Variants in C3orf33 observed in about 807,000 individuals in gnomAD.
C3orf33 encodes AP-1 activity suppressor.
Under a neutral mutation model 28.7 loss-of-function variants are expected in C3orf33, and 23 were observed. The ratio of observed to expected loss-of-function variants is 0.80; its 90% confidence interval spans 0.58 to 1.13. The LOEUF is 1.13. Ranked by LOEUF, C3orf33 falls within the 50% of genes most tolerant of loss-of-function variation. C3orf33 has a pLI of 0.00. For synonymous variants in C3orf33, 119 were observed against 120.5 expected (o/e 0.99, Z 0.08); for missense variants, 327 against 353.4 (o/e 0.93, Z 0.60).
intron 2 of C3orf33, among the ~76,000 whole-genome samples, chr3:155,784,637 G>A (rs1190988896): frequency 6.6e-6 from 1 of 151,992 alleles, no homozygotes; most frequent in African/African-American, 2.4e-5. Context: ...GTACTTCGGA[G>A]GCTGAGGCAG....
intron 2 of C3orf33, among the ~76,000 whole-genome samples, chr3:155,787,252 G>A (rs1304382020): frequency 2.6e-5 from 4 of 152,078 alleles, no homozygotes; most frequent in African/African-American, 9.7e-5. Flanking sequence ...AGACTGGAGT[G>A]CGGTGGCTTG....
In C3orf33 at chr3:155,806,037, C is replaced by G. The variant is rs1315903096; in HGVS notation, c.114+102G>C. ...ATTCCCCCGCAGTTTTCTGTCGCTC[C>G]CCGGCCCCGGCGGGATCCACGCCTG... On this transcript the variant is annotated intron_variant, in intron 1 of 4. Coordinates refer to ENST00000340171, the MANE Select transcript of C3orf33 (RefSeq NM_001308229.2). 4 of 800,550 alleles carry G rather than the reference C, an allele frequency of 5.0e-6. No individual in the cohort carries two copies. In the African/African-American group the frequency reaches 7.2e-5, roughly 14 times the overall value. The allele number at this position is 800,550 out of a possible 1,614,324, so 49.6% of individuals were successfully genotyped here.
In C3orf33 at chr3:155,800,610, CAAAAAAAAAAAAAAAAAAAA is replaced by C. The variant is rs58092818; in HGVS notation, c.174+1902_174+1921del. Among the ~76,000 whole-genome samples, 16 of 15,642 alleles carry C rather than the reference CAAAAAAAAAAAAAAAAAAAA, an allele frequency of 1.0e-3. 1 individual carries two copies. The East Asian group carries it at 0.019, about 18-fold the overall frequency. 10.3% of individuals were successfully genotyped at this position (15,642 alleles called of 152,430 possible). ...GGTCAACAGAGTGAGACCTTATCTCCAAAAAAAAAAAAAAAAAAAAAAAAAAAAAAAGGCAACATACAGAA... is the reference window on the plus strand; with the variant it reads ...GGTCAACAGAGTGAGACCTTATCTCCAAAAAAAAAAAGGCAACATACAGAA... On this transcript the variant is annotated intron_variant, in intron 2 of 4. Transcript: ENST00000340171.
chr3:155,765,109 T>C (rs1750357921), intron 4 of C3orf33, among the ~76,000 whole-genome samples: 1 of 152,196 alleles, frequency 6.6e-6, no homozygotes, highest in Non-Finnish European at 1.5e-5. Context: ...ACAGGAGAAG[T>C]AAATTATCAC....
intron 2 of C3orf33, among the ~76,000 whole-genome samples, chr3:155,798,960 C>T (rs1046720953): frequency 2.6e-5 from 4 of 152,068 alleles, no homozygotes; most frequent in Admixed American, 2.0e-4. Context: ...AAAATGGTCA[C>T]GAGATGTCAA....
intron 2 of C3orf33, among the ~76,000 whole-genome samples, chr3:155,796,030 G>T (rs1751467371): frequency 6.6e-6 from 1 of 151,868 alleles, no homozygotes; most frequent in African/African-American, 2.4e-5. Flanking sequence ...ATATTAAAAG[G>T]AAATTTTATA....
chr3:155,804,254 A>C (rs1222899171), intron 1 of C3orf33: 1 of 354,550 alleles, frequency 2.8e-6, no homozygotes, highest in African/African-American at 2.3e-5. Flanking sequence ...GATTATTTGT[A>C]ATATTATAAC....
intron 1 of C3orf33, among the ~76,000 whole-genome samples, chr3:155,804,957 A>G (rs576815358): frequency 6.6e-6 from 1 of 152,324 alleles, no homozygotes; most frequent in African/African-American, 2.4e-5. Context: ...AAAGTTCTCT[A>G]GATTTTCCCC....
At chr3:155,771,017 CTGTGTGTGTGTGTGTG>C (rs71138678) in intron 3 of C3orf33, among the ~76,000 whole-genome samples, 2 of 109,602 alleles carry the variant, frequency 1.8e-5, no homozygotes, top group Non-Finnish European at 3.6e-5. Flanking sequence ...TGCTCTGCCA[CTGTGTGTGTGTGTGTG>C]TGTGTGTGTG....
chr3:155,789,217 C>T (rs945866863), intron 2 of C3orf33, among the ~76,000 whole-genome samples: 2 of 151,662 alleles, frequency 1.3e-5, no homozygotes, highest in Non-Finnish European at 2.9e-5. Context: ...TGGTGGCAGG[C>T]GCTTGTAATC....
chr3:155,803,789 C>T (rs978854040), intron 1 of C3orf33, among the ~76,000 whole-genome samples: 2 of 147,254 alleles, frequency 1.4e-5, no homozygotes, highest in African/African-American at 5.0e-5. Context: ...GGCTGAGGCA[C>T]GAGAATCGCT....
At chr3:155,796,785 A>G (rs560981851) in intron 2 of C3orf33, among the ~76,000 whole-genome samples, 1 of 152,340 alleles carries the variant, frequency 6.6e-6, no homozygotes, top group South Asian at 2.1e-4. Flanking sequence ...AATACCTACA[A>G]ATCAAATTCA....
chr3:155,794,856 T>C (rs989618723), intron 2 of C3orf33, among the ~76,000 whole-genome samples: 2 of 152,038 alleles, frequency 1.3e-5, no homozygotes, highest in Non-Finnish European at 1.5e-5. Flanking sequence ...AGCAAGAGGA[T>C]ACAACAATTA....
chr3:155,769,429 A>G (rs766741827), intron 3 of C3orf33, among the ~76,000 whole-genome samples: 105 of 149,396 alleles, frequency 7.0e-4, no homozygotes, highest in Non-Finnish European at 1.2e-3. Context: ...CAGAAGCTGA[A>G]GTGAGCCAAG....
chr3:155,785,687 G>A (rs772765220), intron 2 of C3orf33, among the ~76,000 whole-genome samples: 1 of 152,108 alleles, frequency 6.6e-6, no homozygotes, highest in Non-Finnish European at 1.5e-5. Context: ...ACAGAATATA[G>A]TGAAAGCAGT....
At chr3:155,765,667 C>T (rs1245793623) in intron 4 of C3orf33, among the ~76,000 whole-genome samples, 1 of 152,108 alleles carries the variant, frequency 6.6e-6, no homozygotes, top group East Asian at 1.9e-4. Context: ...CTTGCCTCAA[C>T]CTCCTGAGTA....
intron 2 of C3orf33, among the ~76,000 whole-genome samples, chr3:155,800,773 T>A (rs1396167781): frequency 6.6e-6 from 1 of 151,412 alleles, no homozygotes; most frequent in African/African-American, 2.4e-5. Context: ...GCAAAAGAGC[T>A]GAACAGATAT....
At chr3:155,793,829 T>TA (rs1751391618) in intron 2 of C3orf33, among the ~76,000 whole-genome samples, 5 of 84,668 alleles carry the variant, frequency 5.9e-5, no homozygotes, top group Non-Finnish European at 7.2e-5. Flanking sequence ...AAAAAAAAAC[T>TA]AAAAAAACTA....
chr3:155,768,604 T>G (rs1209295170), intron 3 of C3orf33, among the ~76,000 whole-genome samples: 1 of 152,168 alleles, frequency 6.6e-6, no homozygotes, highest in Non-Finnish European at 1.5e-5. Flanking sequence ...CAAAAAAAAC[T>G]TAATGTCTTT....
Sources: gnomAD v4.1 joint callset for allele counts (sites outside exome capture counted in the v4.1 genomes callset) on GRCh38, gnomAD v4.1.1 for gene constraint, MANE v1.5 for transcripts, NCBI Gene and HGNC (gene_info 2026-07-23, HGNC 2026-07-21) for gene names.